The following PEAK3 variants were observed in gnomAD, a reference collection of about 807,000 sequenced individuals.
PEAK3 encodes the protein protein PEAK3.
In PEAK3, 15 loss-of-function variants were observed where a neutral mutation model predicts 13.3. The ratio of observed to expected loss-of-function variants is 1.13; its 90% CI spans 0.75 to 1.73. PEAK3 has a LOEUF of 1.73. PEAK3 is among the 40% of genes most tolerant of loss of function. The pLI is 0.00. For missense variants in PEAK3, 739 were observed against 690.2 expected (o/e 1.07, Z -0.79); for synonymous variants, 347 against 341.9 (o/e 1.01, Z -0.17).
At chr19:2,277,866 C>G (rs2025404550) in intron 3 of PEAK3, among the ~76,000 whole-genome samples, 1 of 138,976 alleles carries the variant, frequency 7.2e-6, no homozygotes, top group Non-Finnish European at 1.5e-5. Context: ...TGCTGCCCAG[C>G]CTTTTTTTTT....
In PEAK3 at chr19:2,276,242, T is replaced by TGCAGCA. The variant is rs752604810; in HGVS notation, c.854_859dup (p.Leu285_Leu286dup). On this transcript the variant is annotated inframe_insertion, in exon 4 of 4. Transcript: ENST00000342063. Reference sequence around the variant, plus strand: ...CAGGAACTTCAGGGCCGCGCTCAGCTGCAGCAGCAGCAGGGCCACAGCCCA... The same window carrying TGCAGCA: ...CAGGAACTTCAGGGCCGCGCTCAGCTGCAGCAGCAGCAGCAGCAGGGCCACAGCCCA... The TGCAGCA allele has an allele frequency of 2.5e-6, 4 of 1,587,418 alleles. No homozygotes were observed. Among genetic ancestry groups the TGCAGCA allele is most frequent in the Non-Finnish European group, 3.4e-6 (4 of 1,172,694 alleles).
chr19:2,275,731 G>A lies in PEAK3; in HGVS notation c.1371C>T (p.Ala457=). ...LEDWLCCEYL[A]EATESSMGQA... ...GGCCCATCGAGGACTCGGTGGCCTC[G>A]GCCAGGTATTCGCAACACAGCCAGT... is the stretch of plus-strand genomic sequence containing the variant. The change falls in exon 4 of 4, where the codon GCC becomes GCT. Residue 457 remains alanine, a synonymous_variant. Transcript: ENST00000342063. The A allele has an allele frequency of 1.9e-6, 3 of 1,561,108 alleles. No homozygotes were observed. Among genetic ancestry groups the A allele is most frequent in the Non-Finnish European group, 1.7e-6 (2 of 1,155,726 alleles).
Position 2,275,740 on chromosome 19 carries a change from T to C in PEAK3, c.1362A>G (p.Glu454=). The C allele has an allele frequency of 6.4e-7, 1 of 1,571,982 alleles. No individual in the cohort carries two copies. Residue 454 remains glutamate, a synonymous_variant, in exon 4 of 4, where the codon GAA becomes GAG. Transcript: ENST00000342063. ...AGGACTCGGTGGCCTCGGCCAGGTA[T>C]TCGCAACACAGCCAGTCCTCGAGGC... ...APSLEDWLCC[E]YLAEATESSM... is the part of the protein sequence containing the mutation.
intron 3 of PEAK3, 23 bp from the exon 4 acceptor site, chr19:2,276,512 G>A: frequency 6.8e-7 from 1 of 1,474,096 alleles, no homozygotes. Flanking sequence ...GGGGGTGTCG[G>A]GGCCTGGATC....
chr19:2,278,312 C>A (rs570465947), intron 3 of PEAK3, among the ~76,000 whole-genome samples: 7 of 149,372 alleles, frequency 4.7e-5, no homozygotes, highest in Non-Finnish European at 8.8e-5. Context: ...TTACAGGCGC[C>A]CGCCACCACA....
At chr19:2,279,950 C>T (rs2025424872) in intron 2 of PEAK3, among the ~76,000 whole-genome samples, 1 of 150,236 alleles carries the variant, frequency 6.7e-6, no homozygotes. Flanking sequence ...GATGGGGTTT[C>T]ACCATGTTAG....
Position 2,275,177 on chromosome 19 carries a change from C to G in PEAK3, c.*503G>C, listed in dbSNP as rs990630217. On this transcript the variant is annotated 3_prime_UTR_variant, in exon 4 of 4. Coordinates refer to ENST00000342063, the MANE Select transcript of PEAK3 (RefSeq NM_198532.3). Reference sequence around the variant, plus strand: ...TGTCTAAGGTCCCAGGGAGCCTTCCCTTCCCGTGACACCACCAAGCAATTC... The same window carrying G: ...TGTCTAAGGTCCCAGGGAGCCTTCCGTTCCCGTGACACCACCAAGCAATTC... 3 of 152,292 alleles carry G rather than the reference C, an allele frequency of 2.0e-5. No individual in the cohort carries two copies. The highest frequency in any genetic ancestry group is 2.9e-5 in the Non-Finnish European group (2 of 68,130). The allele number at this position is 152,292 out of a possible 1,614,324, so 9.4% of individuals were successfully genotyped here.
intron 3 of PEAK3, 30 bp downstream of exon 3, chr19:2,278,554 C>T (rs757880068): frequency 2.1e-6 from 3 of 1,460,242 alleles, no homozygotes; most frequent in South Asian, 1.5e-5. Context: ...ACTGGGGACA[C>T]CTCAGAGAGG....
At position 2,278,672 on chromosome 19, in the gene PEAK3, T is replaced by C. The variant is rs1354997995; in HGVS notation, c.524A>G (p.Asp175Gly). 2.6e-6 allele frequency: 4 copies of C among 1,523,838 alleles called. No individual in the cohort carries two copies. Among genetic ancestry groups the C allele is most frequent in the Non-Finnish European group, 3.5e-6 (4 of 1,135,680 alleles). 94.4% of individuals were successfully genotyped at this position (1,523,838 alleles called of 1,614,324 possible). A position where few individuals can be genotyped will look rare whatever the true frequency, so the allele number is the denominator to read the frequency against. The change falls in exon 3 of 4, where the codon GAC (aspartate) becomes GGC (glycine). Residue 175 changes from aspartate to glycine, a missense_variant. Transcript: ENST00000342063. ...CHPGHSFRLL[D>G]SSPCAESGDA... is the part of the protein sequence containing the mutation. ...CCCGCTCTCTGCGCAGGGTGAGCTG[T>C]CTAGGAGGCGGAAGCTGTGGCCGGG...
chr19:2,280,773 ACCCACCTGCCGCTCCCTGC>A lies in PEAK3; in HGVS notation c.82+58_82+76del, dbSNP rs767660808. ...CCGGCAACCTCCTGCCGCTCCCTGCACCCACCTGCCGCTCCCTGCACCCCCCTGCCGCTCCCTGCACCCC... is the reference window on the plus strand; with the variant it reads ...CCGGCAACCTCCTGCCGCTCCCTGCAACCCCCCTGCCGCTCCCTGCACCCC... On this transcript the variant is annotated intron_variant, in intron 2 of 3. Coordinates refer to ENST00000342063, the MANE Select transcript of PEAK3 (RefSeq NM_198532.3). The A allele has an allele frequency of 6.6e-5, 68 of 1,033,614 alleles. No individual in the cohort carries two copies. The Middle Eastern group carries it at 1.8e-3, about 28-fold the overall frequency. 64.0% of individuals were successfully genotyped at this position (1,033,614 alleles called of 1,614,324 possible).
chr19:2,276,840 C>G (rs539241922), intron 3 of PEAK3, among the ~76,000 whole-genome samples: 1 of 152,088 alleles, frequency 6.6e-6, no homozygotes, highest in African/African-American at 2.4e-5. Context: ...GCAGGGAACG[C>G]TCGTCTCTAC....
In PEAK3 at chr19:2,275,313, G is replaced by C. The variant is rs1170043586; in HGVS notation, c.*367C>G. ...GGTCCCGGCATTGGCCTCTCATGGA[G>C]ACAATGACAGAACCCACGCGGAAGA... is the stretch of plus-strand genomic sequence containing the variant. On this transcript the variant is annotated 3_prime_UTR_variant, in exon 4 of 4. Coordinates refer to ENST00000342063, the MANE Select transcript of PEAK3 (RefSeq NM_198532.3). 5.4e-6 allele frequency: 1 copy of C among 183,546 alleles called. No individual in the cohort carries two copies. The highest frequency in any genetic ancestry group is 2.4e-5 in the African/African-American group (1 of 42,462). The allele number at this position is 183,546 out of a possible 1,614,324, so 11.4% of individuals were successfully genotyped here.
rs1269205789 is a variant in PEAK3, at chr19:2,275,199, A to G, written c.*481T>C. The stretch of plus-strand genomic sequence containing the variant: ...TCCCTTCCCGTGACACCACCAAGCA[A>G]TTCTCCACCAGGGACAGGGGCATTC... On this transcript the variant is annotated 3_prime_UTR_variant, in exon 4 of 4. Coordinates refer to ENST00000342063, the MANE Select transcript of PEAK3 (RefSeq NM_198532.3). 1.3e-5 allele frequency: 2 copies of G among 152,520 alleles called. No individual in the cohort carries two copies. The highest frequency in any genetic ancestry group is 1.9e-4 in the East Asian group (1 of 5,200). 9.4% of individuals were successfully genotyped at this position (152,520 alleles called of 1,614,324 possible).
In PEAK3 at chr19:2,275,920, C is replaced by T. The variant is rs1018590897; in HGVS notation, c.1182G>A (p.Ala394=). The T allele has an allele frequency of 1.8e-5, 25 of 1,374,068 alleles. No homozygotes were observed. In the African/African-American group the frequency reaches 3.6e-4, roughly 20 times the overall value. 85.1% of individuals were successfully genotyped at this position (1,374,068 alleles called of 1,614,324 possible). Residue 394 remains alanine (A), a synonymous_variant, in exon 4 of 4, where the codon GCG becomes GCA. Coordinates refer to ENST00000342063, the MANE Select transcript of PEAK3 (RefSeq NM_198532.3). The part of the protein sequence containing the change: ...LRPSASRTRG[A]LQALLWGPGP... ...CGGGCCCCCAGAGCAGCGCCTGCAG[C>T]GCGCCCCGCGTCCGGGACGCCGAGG...
chr19:2,276,483 TG>T lies in PEAK3; in HGVS notation c.618del (p.Lys207SerfsTer82). On this transcript the variant is annotated frameshift_variant, in exon 4 of 4. Transcript: ENST00000342063. LOFTEE classifies it low-confidence loss of function (END_TRUNC). ...GGGTGGGGCACGTCCGCCCCGGGCT[TG>T]GGCACCTGCAAGGCAGAGGGGGTGT... ...DAWHILVAKV[P>X]KPGADVPHPW... 1 of 1,533,596 alleles carries T rather than the reference TG, an allele frequency of 6.5e-7. No homozygotes were observed. The allele number at this position is 1,533,596 out of a possible 1,614,324, so 95.0% of individuals were successfully genotyped here.
intron 2 of PEAK3, 68 bp downstream of exon 2, chr19:2,280,782 C>T (rs1305220004): frequency 7.8e-7 from 1 of 1,280,078 alleles, no homozygotes. Flanking sequence ...CACCCACCTG[C>T]CGCTCCCTGC....
In PEAK3 at chr19:2,275,719, C is replaced by T; in HGVS notation, c.1383G>A (p.Glu461=). ...GCGCCAGGGCCTGGCCCATCGAGGA[C>T]TCGGTGGCCTCGGCCAGGTATTCGC... ...LCCEYLAEAT[E]SSMGQALALL... is the part of the protein sequence containing the mutation. Residue 461 remains glutamate (E), a synonymous_variant, in exon 4 of 4, where the codon GAG becomes GAA. Coordinates refer to ENST00000342063, the MANE Select transcript of PEAK3 (RefSeq NM_198532.3). 1 of 1,548,624 alleles carries T rather than the reference C, an allele frequency of 6.5e-7. No homozygotes were observed. The highest frequency in any genetic ancestry group is 8.7e-7 in the Non-Finnish European group (1 of 1,148,946).
chr19:2,281,998 G>C (rs2158263), intron 1 of PEAK3, 89 bp downstream of exon 1: 106,989 of 152,488 alleles, frequency 0.7, 37,601 homozygotes, highest in Middle Eastern at 0.83. Context: ...GGTTGCTGCC[G>C]GCAGCCAGGC....
At position 2,275,541 on chromosome 19, in the gene PEAK3, G is replaced by C. The variant is rs1031607879; in HGVS notation, c.*139C>G. ...CCCCAGCACGGGAGGGGAGGCTCTG[G>C]AGTGGGGCATTGCTCTCTCTGCTGC... On this transcript the variant is annotated 3_prime_UTR_variant, in exon 4 of 4. Coordinates refer to ENST00000342063, the MANE Select transcript of PEAK3 (RefSeq NM_198532.3). 41 of 730,204 alleles carry C rather than the reference G, an allele frequency of 5.6e-5. No homozygotes were observed. Among genetic ancestry groups the C allele is most frequent in the Non-Finnish European group, 7.3e-5 (38 of 519,572 alleles). The allele number at this position is 730,204 out of a possible 1,614,324, so 45.2% of individuals were successfully genotyped here.
Sources: gnomAD v4.1 joint callset for allele counts (sites outside exome capture counted in the v4.1 genomes callset) on GRCh38, gnomAD v4.1.1 for gene constraint, MANE v1.5 for transcripts, NCBI Gene and HGNC (gene_info 2026-07-23, HGNC 2026-07-21) for gene names.